NXPE4: variants seen among roughly 807,000 people sequenced by gnomAD.
NXPE4 encodes the protein NXPE family member 4.
A neutral mutation model predicts 33.3 loss-of-function variants in NXPE4; 42 were observed. The observed-to-expected ratio is 1.26, with a 90% CI of 0.98 to 1.63. The LOEUF (loss-of-function observed/expected upper bound fraction) is 1.63. Ranked by LOEUF, NXPE4 falls within the 40% of genes most tolerant of loss-of-function variation. The probability of loss-of-function intolerance (pLI) is 0.00; values close to 1 mark genes in which losing one functional copy is unlikely to be tolerated. For missense variants in NXPE4, 709 were observed against 647.6 expected, an observed-to-expected ratio of 1.09 and a Z score of -1.03; for synonymous variants, 253 against 234.9, an observed-to-expected ratio of 1.08 and a Z score of -0.71.
the NXPE4 span, among the ~76,000 whole-genome samples, chr11:114,640,151 ATAT>A: frequency 1.4e-4 from 11 of 80,122 alleles, no homozygotes; most frequent in Non-Finnish European, 1.8e-4. Context: ...AATATATGAT[ATAT>A]TAATAATATA....
At chr11:114,647,083 A>T in the NXPE4 span, among the ~76,000 whole-genome samples, 2 of 152,194 alleles carry the variant, frequency 1.3e-5, no homozygotes. Context: ...CTAAATCCAG[A>T]ATGAACCTTG....
intron 2 of NXPE4, among the ~76,000 whole-genome samples, chr11:114,590,341 G>A (rs1949420889): frequency 6.6e-6 from 1 of 152,144 alleles, no homozygotes. Flanking sequence ...CTTCTGAAAG[G>A]ACCAGAGCAT....
At chr11:114,636,523 C>T in the NXPE4 span, among the ~76,000 whole-genome samples, 2 of 151,672 alleles carry the variant, frequency 1.3e-5, no homozygotes, top group East Asian at 1.9e-4. Context: ...TGTGTTTGCT[C>T]TTGCTTTTCT....
chr11:114,637,193 A>C, the NXPE4 span, among the ~76,000 whole-genome samples: 4 of 151,852 alleles, frequency 2.6e-5, no homozygotes, highest in Admixed American at 2.0e-4. Context: ...CTTCTTGTTG[A>C]GTTGATCCCT....
the NXPE4 span, among the ~76,000 whole-genome samples, chr11:114,627,741 C>T: frequency 2.0e-3 from 306 of 152,234 alleles, 1 homozygote; most frequent in African/African-American, 7.1e-3. Context: ...GTTAAAGAGT[C>T]AAGACCCATC....
chr11:114,645,226 G>T, the NXPE4 span, among the ~76,000 whole-genome samples: 2 of 151,992 alleles, frequency 1.3e-5, no homozygotes, highest in African/African-American at 2.4e-5. Context: ...ACTTGAACCC[G>T]AGAGGCAGAA....
At chr11:114,635,035 G>A in the NXPE4 span, among the ~76,000 whole-genome samples, 4 of 151,906 alleles carry the variant, frequency 2.6e-5, no homozygotes, top group South Asian at 6.2e-4. Context: ...ATGGCATTGA[G>A]TCTATAAATT....
chr11:114,582,827 G>T lies in NXPE4; in HGVS notation c.291C>A (p.Ala97=). 1 of 1,614,160 alleles carries T rather than the reference G, an allele frequency of 6.2e-7. No individual in the cohort carries two copies. The highest frequency in any genetic ancestry group is 8.5e-7 in the Non-Finnish European group (1 of 1,180,026). ...TGAGGATGGTGGCTGTGCTATGTGT[G>T]GCGCTGGTGGTGGTGTTCACGTGGG... ...PFTHVNTTTS[A]THSTATILNP... The change falls in exon 3 of 6, where the codon GCC becomes GCA. Residue 97 remains alanine, a synonymous_variant. Coordinates refer to ENST00000375478, the MANE Select transcript of NXPE4 (RefSeq NM_001077639.2).
At position 114,570,912 on chromosome 11, in the gene NXPE4, G is replaced by T; in HGVS notation, c.*26C>A. On this transcript the variant is annotated 3_prime_UTR_variant, in exon 6 of 6. Transcript: ENST00000375478. ...AGTCAATAAATTTTTTTACTTAAGT[G>T]AATGAATTTCAGACTTTTGTGTTAT... 2 of 1,501,818 alleles carry T rather than the reference G, an allele frequency of 1.3e-6. No individual in the cohort carries two copies. The highest frequency in any genetic ancestry group is 1.9e-5 in the Admixed American group (1 of 51,702). The allele number at this position is 1,501,818 out of a possible 1,614,324, so 93.0% of individuals were successfully genotyped here.
At chr11:114,663,843 A>G in the NXPE4 span, among the ~76,000 whole-genome samples, 1 of 152,148 alleles carries the variant, frequency 6.6e-6, no homozygotes, top group Admixed American at 6.6e-5. Flanking sequence ...ATGAGCATAT[A>G]AAAAGATGCT....
chr11:114,649,764 A>G, the NXPE4 span, among the ~76,000 whole-genome samples: 1 of 152,206 alleles, frequency 6.6e-6, no homozygotes, highest in Non-Finnish European at 1.5e-5. Flanking sequence ...TTTGACTCAC[A>G]AAATAGCCTC....
chr11:114,634,547 G>A, the NXPE4 span, among the ~76,000 whole-genome samples: 4 of 152,006 alleles, frequency 2.6e-5, no homozygotes, highest in Non-Finnish European at 5.9e-5. Context: ...CCATGCCTAT[G>A]TCCTGAATGG....
chr11:114,670,834 A>G, the NXPE4 span, among the ~76,000 whole-genome samples: 45 of 151,866 alleles, frequency 3.0e-4, no homozygotes, highest in Non-Finnish European at 5.9e-4. Flanking sequence ...GCAAAGAAAC[A>G]GGAGAGAATG....
the NXPE4 span, among the ~76,000 whole-genome samples, chr11:114,656,044 C>G: frequency 6.6e-6 from 1 of 152,064 alleles, no homozygotes; most frequent in Admixed American, 6.6e-5. Context: ...ATCTCAGCCC[C>G]AAAACTTCTT....
chr11:114,623,256 AAT>A, the NXPE4 span, among the ~76,000 whole-genome samples: 13 of 152,092 alleles, frequency 8.5e-5, no homozygotes, highest in Admixed American at 2.6e-4. Flanking sequence ...CCCGGTGGGT[AAT>A]ACATATTGCC....
the NXPE4 span, among the ~76,000 whole-genome samples, chr11:114,643,006 T>C: frequency 2.5e-3 from 377 of 152,304 alleles, 1 homozygote; most frequent in African/African-American, 8.3e-3. Flanking sequence ...ATTTCTCTAA[T>C]GACCAGTGAT....
chr11:114,668,036 C>A, the NXPE4 span, among the ~76,000 whole-genome samples: 1 of 151,776 alleles, frequency 6.6e-6, no homozygotes, highest in Non-Finnish European at 1.5e-5. Context: ...CAGGTACACA[C>A]AGAAGGAACC....
intron 2 of NXPE4, among the ~76,000 whole-genome samples, chr11:114,585,337 G>A (rs998917391): frequency 6.6e-6 from 1 of 152,000 alleles, no homozygotes; most frequent in African/African-American, 2.4e-5. Context: ...CAGAATGGTT[G>A]AGTAGATTTT....
At chr11:114,598,664 C>T (rs1003156481), upstream of NXPE4, among the ~76,000 whole-genome samples, 4 of 151,438 alleles carry the variant, frequency 2.6e-5, no homozygotes, top group African/African-American at 7.3e-5. Flanking sequence ...TGTACCTGGG[C>T]CTCTTTGAGC....
Sources: gnomAD v4.1 joint callset for allele counts (sites outside exome capture counted in the v4.1 genomes callset) on GRCh38, gnomAD v4.1.1 for gene constraint, MANE v1.5 for transcripts, NCBI Gene and HGNC (gene_info 2026-07-23, HGNC 2026-07-21) for gene names.